BLTP1: variants seen among roughly 807,000 people sequenced by gnomAD.
The protein encoded by BLTP1 is fragile site-associated protein.
chr4:122,266,942 G>A, the BLTP1 span: 8 of 1,580,872 alleles, frequency 5.1e-6, no homozygotes, highest in Non-Finnish European at 6.0e-6. Flanking sequence ...AGAGAGAAAA[G>A]GCAAAAGAGC....
the BLTP1 span, chr4:122,228,971 A>C: frequency 3.1e-6 from 2 of 641,164 alleles, no homozygotes; most frequent in South Asian, 5.5e-5. Context: ...TGCTGATTTC[A>C]TTTATTATTA....
At chr4:122,243,042 C>T in the BLTP1 span, 1 of 1,612,450 alleles carries the variant, frequency 6.2e-7, no homozygotes, top group South Asian at 1.1e-5. Context: ...TAGACAGAGG[C>T]ATGCAACTTT....
At chr4:122,257,492 G>A in the BLTP1 span, 1 of 1,613,988 alleles carries the variant, frequency 6.2e-7, no homozygotes, top group Non-Finnish European at 8.5e-7. Flanking sequence ...TGAGTTCGAT[G>A]CAGGTAGTTT....
chr4:122,237,492 T>C, the BLTP1 span: 8 of 553,012 alleles, frequency 1.4e-5, no homozygotes, highest in Non-Finnish European at 1.8e-5. Flanking sequence ...CATTGAACTT[T>C]TAGAGCAAAA....
the BLTP1 span, chr4:122,313,668 T>C: frequency 6.3e-7 from 1 of 1,582,610 alleles, no homozygotes; most frequent in Non-Finnish European, 8.6e-7. Context: ...GTTCAAGAAC[T>C]ACAGGACAAG....
chr4:122,359,651 T>C, the BLTP1 span: 27 of 1,612,818 alleles, frequency 1.7e-5, no homozygotes, highest in Non-Finnish European at 2.2e-5. Flanking sequence ...ATAGAGAAGA[T>C]AGCATCACTT....
the BLTP1 span, chr4:122,328,051 C>T: frequency 3.1e-6 from 4 of 1,300,504 alleles, no homozygotes; most frequent in African/African-American, 3.0e-5. Flanking sequence ...TATATTTTTT[C>T]TTTTTTTAAT....
chr4:122,175,731 CT>C, the BLTP1 span: 13 of 651,404 alleles, frequency 2.0e-5, no homozygotes, highest in East Asian at 2.0e-4. Flanking sequence ...TGCCAATGTT[CT>C]TTTGAGGATT....
At chr4:122,274,489 A>G in the BLTP1 span, 2 of 1,563,708 alleles carry the variant, frequency 1.3e-6, no homozygotes, top group Non-Finnish European at 1.7e-6. Flanking sequence ...ACAAAAATGG[A>G]AATTCTTTGG....
chr4:122,355,644 T>A, the BLTP1 span: 2 of 449,264 alleles, frequency 4.5e-6, no homozygotes, highest in Non-Finnish European at 7.2e-6. Flanking sequence ...TATATCTGTA[T>A]ACATAGATAT....
chr4:122,185,821 GT>G, the BLTP1 span, among the ~76,000 whole-genome samples: 1 of 151,978 alleles, frequency 6.6e-6, no homozygotes, highest in African/African-American at 2.4e-5. Flanking sequence ...AATTAAAGTT[GT>G]TTTTAGAATG....
chr4:122,236,677 C>A, the BLTP1 span: 4 of 769,600 alleles, frequency 5.2e-6, no homozygotes, highest in South Asian at 6.0e-5. Flanking sequence ...TTAACCATCA[C>A]AAACTCAAGA....
the BLTP1 span, among the ~76,000 whole-genome samples, chr4:122,191,286 G>C: frequency 6.6e-6 from 1 of 151,724 alleles, no homozygotes; most frequent in African/African-American, 2.4e-5. Flanking sequence ...TTTTTTCATG[G>C]AGTGCCAGTT....
the BLTP1 span, chr4:122,170,375 C>CCTTA: frequency 1.0e-6 from 1 of 971,048 alleles, no homozygotes; most frequent in Non-Finnish European, 1.2e-6. Context: ...AGTAATTGAA[C>CCTTA]CTTAGTTAGT....
At chr4:122,180,183 A>G in the BLTP1 span, 2 of 985,116 alleles carry the variant, frequency 2.0e-6, no homozygotes, top group Middle Eastern at 5.2e-4. Flanking sequence ...TGATCCCTGT[A>G]ACGTCATTTA....
the BLTP1 span, among the ~76,000 whole-genome samples, chr4:122,354,912 G>A: frequency 4.0e-5 from 6 of 151,890 alleles, no homozygotes; most frequent in African/African-American, 7.3e-5. Flanking sequence ...TGATACACCC[G>A]CCTCAGCCTC....
chr4:122,302,333 T>G, the BLTP1 span: 4 of 753,020 alleles, frequency 5.3e-6, no homozygotes, highest in African/African-American at 7.6e-5. Context: ...TTTATTGTGT[T>G]TCACAGGTAT....
chr4:122,353,129 C>T, the BLTP1 span: 4 of 1,613,630 alleles, frequency 2.5e-6, no homozygotes, highest in East Asian at 8.9e-5. This position sits in a 1 kb window ranked among gnomAD's most constrained non-coding sequence, Gnocchi z 4.3. Context: ...GCTTTTTGGA[C>T]TGAAGCTCAG....
At chr4:122,237,245 A>AT in the BLTP1 span, 7 of 984,360 alleles carry the variant, frequency 7.1e-6, no homozygotes, top group East Asian at 2.3e-4. Context: ...AGCAAGAGTT[A>AT]TTTTTTTTGG....
Sources: gnomAD v4.1 joint callset for allele counts (sites outside exome capture counted in the v4.1 genomes callset) on GRCh38, gnomAD v4.1.1 for gene constraint, Gnocchi (gnomAD v3.1) non-coding constraint, MANE v1.5 for transcripts, NCBI Gene and HGNC (gene_info 2026-07-23, HGNC 2026-07-21) for gene names.